Variants in PDE6G observed in about 807,000 individuals in gnomAD.
The protein encoded by PDE6G is phosphodiesterase 6G.
PDE6G carries 10 observed loss-of-function variants against 10.9 expected under a neutral mutation model. That is an observed-to-expected ratio of 0.91 (90% CI 0.56 to 1.55). The LOEUF is 1.55. Ranked by LOEUF, PDE6G falls within the 40% of genes most tolerant of loss-of-function variation. PDE6G has a pLI of 0.00. For missense variants in PDE6G, 102 were observed against 110.1 expected (o/e 0.93, Z 0.33); for synonymous variants, 41 against 42.8 (o/e 0.96, Z 0.16).
At chr17:81,661,615 C>T (rs181193936) in intron 1 of PDE6G, among the ~76,000 whole-genome samples, 1 of 152,142 alleles carries the variant, frequency 6.6e-6, no homozygotes, top group East Asian at 1.9e-4. Context: ...AATCCCAGCA[C>T]TTTGGGAGGC....
In PDE6G at chr17:81,650,529, C is replaced by T. The variant is rs1328153395; in HGVS notation, c.*545G>A. ...AGGCTGTATTGAGAAGGATGGCCCC[C>T]TGGTGTGATGAGCTTGGGGCCTCAT... On this transcript the variant is annotated 3_prime_UTR_variant, in exon 4 of 4. Coordinates refer to ENST00000331056, the MANE Select transcript of PDE6G (RefSeq NM_002602.4). 1 of 454,074 alleles carries T rather than the reference C, an allele frequency of 2.2e-6. No homozygotes were observed. The highest frequency in any genetic ancestry group is 6.9e-5 in the East Asian group (1 of 14,394). The allele number at this position is 454,074 out of a possible 1,614,324, so 28.1% of individuals were successfully genotyped here. A position where few individuals can be genotyped will look rare whatever the true frequency, so the allele number is the denominator to read the frequency against.
chr17:81,651,801 T>C lies in PDE6G; in HGVS notation c.147-116A>G. 8.5e-7 allele frequency: 1 copy of C among 1,173,456 alleles called. No individual in the cohort carries two copies. Among genetic ancestry groups the C allele is most frequent in the Non-Finnish European group, 1.2e-6 (1 of 805,950 alleles). 72.7% of individuals were successfully genotyped at this position (1,173,456 alleles called of 1,614,324 possible). On this transcript the variant is annotated intron_variant, in intron 2 of 3. Transcript: ENST00000331056. This position sits in a 1 kb window ranked among gnomAD's most constrained non-coding sequence, Gnocchi z 4.8. ...ATGAGGTGTTTGGCTGGGAGCCCAGTGGGCAGAGACCCGCCTCCTCCCCAA... is the reference window on the plus strand; with the variant it reads ...ATGAGGTGTTTGGCTGGGAGCCCAGCGGGCAGAGACCCGCCTCCTCCCCAA...
chr17:81,659,343 C>T (rs1353973355), upstream of PDE6G, among the ~76,000 whole-genome samples: 2 of 151,908 alleles, frequency 1.3e-5, no homozygotes, highest in Non-Finnish European at 2.9e-5. Flanking sequence ...CATGGTGGCT[C>T]ATCCCTGTAC....
rs888026646 is a variant in PDE6G, at chr17:81,651,234, C to T, written c.188-84G>A. 19 of 977,242 alleles carry T rather than the reference C, an allele frequency of 1.9e-5. No homozygotes were observed. In the African/African-American group the frequency reaches 2.4e-4, roughly 12 times the overall value. 60.5% of individuals were successfully genotyped at this position (977,242 alleles called of 1,614,324 possible). On this transcript the variant is annotated intron_variant, in intron 3 of 3. Coordinates refer to ENST00000331056, the MANE Select transcript of PDE6G (RefSeq NM_002602.4). The surrounding 1 kb of genome is among the most constrained non-coding windows in gnomAD (Gnocchi z 4.8). ...CCCCTGTGGCCCTGTTTCCCACAGC[C>T]CAGGTGTAGCCCTACAGTGTGCTGA...
upstream of PDE6G, chr17:81,656,987 C>G (rs1361106926): frequency 1.1e-5 from 3 of 263,062 alleles, no homozygotes; most frequent in Non-Finnish European, 2.3e-5. Flanking sequence ...GGACCCCCCC[C>G]CGCCCTTAGG....
Position 81,651,040 on chromosome 17 carries a change from A to G in PDE6G, c.*34T>C. On this transcript the variant is annotated 3_prime_UTR_variant, in exon 4 of 4. Transcript: ENST00000331056. The surrounding 1 kb of genome is among the most constrained non-coding windows in gnomAD (Gnocchi z 4.8). The stretch of plus-strand genomic sequence containing the variant: ...CAGGGTTTAGAGCACAGTGGGCAGG[A>G]GGGGGAGGGTCTGGACTTCAGCAGG... 6.7e-7 allele frequency: 1 copy of G among 1,482,360 alleles called. No homozygotes were observed. Among genetic ancestry groups the G allele is most frequent in the Non-Finnish European group, 9.4e-7 (1 of 1,060,004 alleles). The allele number at this position is 1,482,360 out of a possible 1,614,324, so 91.8% of individuals were successfully genotyped here.
upstream of PDE6G, among the ~76,000 whole-genome samples, chr17:81,659,150 T>C (rs1256338033): frequency 1.6e-5 from 2 of 125,558 alleles, no homozygotes; most frequent in East Asian, 5.6e-4. Context: ...GCAATCCATA[T>C]CTTTTTTTTT....
rs1049815699 is a variant in PDE6G at position 81,650,963 on chromosome 17, T to C, written c.*111A>G. 2 of 803,342 alleles carry C rather than the reference T, an allele frequency of 2.5e-6. No homozygotes were observed. Among genetic ancestry groups the C allele is most frequent in the Non-Finnish European group, 4.4e-6 (2 of 453,882 alleles). The allele number at this position is 803,342 out of a possible 1,614,324, so 49.8% of individuals were successfully genotyped here. A position where few individuals can be genotyped will look rare whatever the true frequency, so the allele number is the denominator to read the frequency against. ...ACCTGAGGTTGCAGTCCCATCCTGG[T>C]GTCCAGGTGCCATCTGGGCTAGGGA... On this transcript the variant is annotated 3_prime_UTR_variant, in exon 4 of 4. Transcript: ENST00000331056.
At chr17:81,655,761 C>T (rs1304499405) in intron 1 of PDE6G, among the ~76,000 whole-genome samples, 1 of 152,244 alleles carries the variant, frequency 6.6e-6, no homozygotes, top group African/African-American at 2.4e-5. Context: ...CTTTCCTGCC[C>T]CTGGTCTTTT....
chr17:81,661,680 T>C (rs376431386), intron 1 of PDE6G, among the ~76,000 whole-genome samples: 1 of 151,734 alleles, frequency 6.6e-6, no homozygotes, highest in Non-Finnish European at 1.5e-5. Flanking sequence ...GCCAAGATGG[T>C]GAAAGCCCGT....
rs752889943 is a variant in PDE6G, at chr17:81,651,716, C to T, written c.147-31G>A. On this transcript the variant is annotated intron_variant, in intron 2 of 3. Transcript: ENST00000331056. This position sits in a 1 kb window ranked among gnomAD's most constrained non-coding sequence, Gnocchi z 4.8. Reference sequence around the variant, plus strand: ...AGGACAGAGCACTCAGGGACATGGCCGGGCCCAGTCCTGGCTCAGTCAGCC... The same window carrying T: ...AGGACAGAGCACTCAGGGACATGGCTGGGCCCAGTCCTGGCTCAGTCAGCC... 5.6e-6 allele frequency: 9 copies of T among 1,612,118 alleles called. No individual in the cohort carries two copies. The highest frequency in any genetic ancestry group is 3.3e-5 in the Admixed American group (2 of 59,894).
At chr17:81,661,595 T>C (rs1376532976) in intron 1 of PDE6G, among the ~76,000 whole-genome samples, 2 of 152,164 alleles carry the variant, frequency 1.3e-5, no homozygotes, top group Admixed American at 1.3e-4. Flanking sequence ...GTGCAGTGGC[T>C]CACGCCTGTA....
At position 81,651,233 on chromosome 17, in the gene PDE6G, C is replaced by G. The variant is rs1339283180; in HGVS notation, c.188-83G>C. On this transcript the variant is annotated intron_variant, in intron 3 of 3. Transcript: ENST00000331056. This position sits in a 1 kb window ranked among gnomAD's most constrained non-coding sequence, Gnocchi z 4.8. Reference sequence around the variant, plus strand: ...TCCCCTGTGGCCCTGTTTCCCACAGCCCAGGTGTAGCCCTACAGTGTGCTG... The same window carrying G: ...TCCCCTGTGGCCCTGTTTCCCACAGGCCAGGTGTAGCCCTACAGTGTGCTG... 3 of 1,001,756 alleles carry G rather than the reference C, an allele frequency of 3.0e-6. No individual in the cohort carries two copies. The highest frequency in any genetic ancestry group is 2.5e-4 in the Middle Eastern group (1 of 3,934). The allele number at this position is 1,001,756 out of a possible 1,614,324, so 62.1% of individuals were successfully genotyped here.
chr17:81,658,828 G>C (rs968698254), upstream of PDE6G, among the ~76,000 whole-genome samples: 5 of 152,006 alleles, frequency 3.3e-5, no homozygotes, highest in Admixed American at 6.6e-5. Flanking sequence ...GCAACAGTGA[G>C]ACTCTGTCTC....
In PDE6G at chr17:81,653,876, T is replaced by A. The variant is rs2036408007; in HGVS notation, c.-59-512A>T. Among the ~76,000 whole-genome samples, 1 of 152,178 alleles carries A rather than the reference T, an allele frequency of 6.6e-6. No individual in the cohort carries two copies. Among genetic ancestry groups the A allele is most frequent in the Non-Finnish European group, 1.5e-5 (1 of 68,028 alleles). On this transcript the variant is annotated intron_variant, in intron 1 of 3. Coordinates refer to ENST00000331056, the MANE Select transcript of PDE6G (RefSeq NM_002602.4). This position sits in a 1 kb window ranked among gnomAD's most constrained non-coding sequence, Gnocchi z 5.2. ...CCTGGGCTGGAGTGCAGTGGCACTA[T>A]CTCGGCTCACTGCAACCTCCGCCTC...
chr17:81,656,988 C>CCG (rs372874625), upstream of PDE6G: 3 of 267,182 alleles, frequency 1.1e-5, no homozygotes, highest in African/African-American at 6.6e-5. Context: ...GACCCCCCCC[C>CCG]GCCCTTAGGG....
chr17:81,651,809 G>A lies in PDE6G; in HGVS notation c.147-124C>T. On this transcript the variant is annotated intron_variant, in intron 2 of 3. Coordinates refer to ENST00000331056, the MANE Select transcript of PDE6G (RefSeq NM_002602.4). The surrounding 1 kb of genome is among the most constrained non-coding windows in gnomAD (Gnocchi z 4.8). ...TTTGGCTGGGAGCCCAGTGGGCAGA[G>A]ACCCGCCTCCTCCCCAACCTCCCAG... 1 of 1,017,280 alleles carries A rather than the reference G, an allele frequency of 9.8e-7. No homozygotes were observed. The highest frequency in any genetic ancestry group is 1.5e-6 in the Non-Finnish European group (1 of 667,358). 63.0% of individuals were successfully genotyped at this position (1,017,280 alleles called of 1,614,324 possible). A position where few individuals can be genotyped will look rare whatever the true frequency, so the allele number is the denominator to read the frequency against.
rs757378569 is a variant in PDE6G, at chr17:81,650,944, G to C, written c.*130C>G. ...TATTAATATGTAGGGGGAGACCTGA[G>C]GTTGCAGTCCCATCCTGGTGTCCAG... On this transcript the variant is annotated 3_prime_UTR_variant, in exon 4 of 4. Coordinates refer to ENST00000331056, the MANE Select transcript of PDE6G (RefSeq NM_002602.4). 6.8e-6 allele frequency: 5 copies of C among 737,798 alleles called. No individual in the cohort carries two copies. The highest frequency in any genetic ancestry group is 1.2e-5 in the Non-Finnish European group (5 of 402,244). The allele number at this position is 737,798 out of a possible 1,614,324, so 45.7% of individuals were successfully genotyped here. A position where few individuals can be genotyped will look rare whatever the true frequency, so the allele number is the denominator to read the frequency against.
upstream of PDE6G, among the ~76,000 whole-genome samples, chr17:81,659,098 A>G (rs114855508): frequency 5.9e-3 from 899 of 151,790 alleles, 16 homozygotes; most frequent in African/African-American, 0.021. Context: ...CTCTTGTCCC[A>G]CATGGCTCAA....
Sources: allele counts gnomAD v4.1 joint callset (sites outside exome capture counted in the v4.1 genomes callset), GRCh38; gene constraint gnomAD v4.1.1; non-coding constraint Gnocchi (gnomAD v3.1); transcripts MANE v1.5; gene names NCBI Gene and HGNC (gene_info 2026-07-23, HGNC 2026-07-21).